The following FSTL5 variants were observed in gnomAD, a reference collection of about 807,000 sequenced individuals.
FSTL5 encodes follistatin like 5.
A neutral mutation model predicts 89.1 loss-of-function variants in FSTL5; 62 were observed. That is an observed-to-expected ratio of 0.70 (90% CI 0.57 to 0.86). FSTL5 has a LOEUF of 0.86. Ranked by LOEUF, FSTL5 falls within the 40% of genes least tolerant of loss-of-function variation. FSTL5 has a pLI of 0.00. For synonymous variants in FSTL5, 383 were observed against 346.2 expected, an observed-to-expected ratio of 1.11 and a Z score of -1.18; for missense variants, 1,057 against 1,001.6, an observed-to-expected ratio of 1.06 and a Z score of -0.75.
chr4:161,644,016 A>G (rs1354826765), intron 7 of FSTL5, among the ~76,000 whole-genome samples: 1 of 152,162 alleles, frequency 6.6e-6, no homozygotes, highest in Non-Finnish European at 1.5e-5. Context: ...GGTCCTTTGC[A>G]CAGAGTTTGT....
chr4:162,035,404 G>A (rs62329628), intron 2 of FSTL5: 58,262 of 151,812 alleles, frequency 0.38, 11,428 homozygotes, highest in Middle Eastern at 0.53. Flanking sequence ...AATGAGGTGA[G>A]CATGATCCAA....
At chr4:162,017,314 G>T (rs1483348357) in intron 3 of FSTL5, among the ~76,000 whole-genome samples, 1 of 152,064 alleles carries the variant, frequency 6.6e-6, no homozygotes, top group African/African-American at 2.4e-5. Context: ...TACCTAAGTT[G>T]TTTTTGTTTT....
chr4:161,457,605 G>T (rs1733404825), intron 14 of FSTL5, among the ~76,000 whole-genome samples: 1 of 151,114 alleles, frequency 6.6e-6, no homozygotes, highest in South Asian at 2.1e-4. Flanking sequence ...CAATTCTGAA[G>T]AAAATTGTAT....
intron 8 of FSTL5, among the ~76,000 whole-genome samples, chr4:161,581,218 T>C (rs1463680493): frequency 6.6e-6 from 1 of 152,210 alleles, no homozygotes; most frequent in African/African-American, 2.4e-5. Context: ...TATGCCCTAC[T>C]TAGAGCTTCT....
At chr4:161,891,494 T>A (rs1042941749) in intron 4 of FSTL5, among the ~76,000 whole-genome samples, 1 of 152,158 alleles carries the variant, frequency 6.6e-6, no homozygotes, top group Non-Finnish European at 1.5e-5. Flanking sequence ...CACTAGTTAC[T>A]AGCTGATGTT....
chr4:162,072,962 T>C (rs1729689471), intron 2 of FSTL5, among the ~76,000 whole-genome samples: 3 of 151,748 alleles, frequency 2.0e-5, no homozygotes, highest in Admixed American at 2.0e-4. Flanking sequence ...AAATTGACTA[T>C]TGCCTTTGAC....
chr4:161,736,068 G>C (rs908694881), intron 6 of FSTL5, among the ~76,000 whole-genome samples: 4 of 151,994 alleles, frequency 2.6e-5, no homozygotes, highest in African/African-American at 4.8e-5. Context: ...TTAAAGTAGG[G>C]TTCTCTCAGT....
chr4:162,106,774 C>T (rs1417456991), intron 2 of FSTL5, among the ~76,000 whole-genome samples: 1 of 152,110 alleles, frequency 6.6e-6, no homozygotes, highest in Non-Finnish European at 1.5e-5. Flanking sequence ...CCAACAACTC[C>T]CAAATCTCAA....
chr4:161,937,745 C>T (rs967294838), intron 3 of FSTL5, among the ~76,000 whole-genome samples: 3 of 152,138 alleles, frequency 2.0e-5, no homozygotes, highest in Non-Finnish European at 4.4e-5. Context: ...GGTATTTCTG[C>T]TTTAGCATGC....
At chr4:161,908,009 A>C (rs560918714) in intron 4 of FSTL5, among the ~76,000 whole-genome samples, 2 of 152,210 alleles carry the variant, frequency 1.3e-5, no homozygotes, top group African/African-American at 2.4e-5. Context: ...TGGTACATAT[A>C]TACTGTGGGA....
chr4:161,978,294 G>A (rs767134124), intron 3 of FSTL5, among the ~76,000 whole-genome samples: 4 of 152,044 alleles, frequency 2.6e-5, no homozygotes, highest in Non-Finnish European at 4.4e-5. Flanking sequence ...AGGTATTGAT[G>A]TTTTCTAAAA....
At chr4:161,723,205 A>T (rs1035951395) in intron 6 of FSTL5, among the ~76,000 whole-genome samples, 1 of 152,190 alleles carries the variant, frequency 6.6e-6, no homozygotes, top group Non-Finnish European at 1.5e-5. Flanking sequence ...TTATAAATTG[A>T]TTTGATTAGA....
At position 161,714,912 on chromosome 4, in the gene FSTL5, T is replaced by C. The variant is rs79962859; in HGVS notation, c.727+44499A>G. ...GTAAGCATTTCAGTATCAATCTTAA[T>C]ATACATATTTTCTTTCCAAGTTTGA... On this transcript the variant is annotated intron_variant, in intron 6 of 15. Transcript: ENST00000306100. Among the ~76,000 whole-genome samples, 44 of 152,312 alleles carry C rather than the reference T, an allele frequency of 2.9e-4. 1 individual carries two copies. The East Asian group carries it at 7.9e-3, about 27-fold the overall frequency.
intron 15 of FSTL5, among the ~76,000 whole-genome samples, chr4:161,426,495 AG>A (rs962510743): frequency 5.9e-5 from 9 of 152,366 alleles, no homozygotes; most frequent in Admixed American, 5.9e-4. Context: ...GATAGCAGAT[AG>A]GAAGATGAGT....
At chr4:161,402,184 C>T (rs1731201000) in intron 15 of FSTL5, among the ~76,000 whole-genome samples, 1 of 152,106 alleles carries the variant, frequency 6.6e-6, no homozygotes, top group Non-Finnish European at 1.5e-5. Flanking sequence ...CAAACGCACA[C>T]ACTTCAGATG....
chr4:162,106,442 TTG>T (rs1731228715), intron 2 of FSTL5, among the ~76,000 whole-genome samples: 1 of 152,088 alleles, frequency 6.6e-6, no homozygotes, highest in South Asian at 2.1e-4. Flanking sequence ...AGAAAAAAGG[TTG>T]TAAGCTATGT....
intron 12 of FSTL5, among the ~76,000 whole-genome samples, chr4:161,496,791 T>TAGAGAA (rs1231524664): frequency 1.4e-5 from 2 of 139,038 alleles, no homozygotes; most frequent in Non-Finnish European, 3.0e-5. Context: ...GAGAAAAAGA[T>TAGAGAA]AGAGATAGAG....
At chr4:162,028,658 C>T (rs1737393564) in intron 3 of FSTL5, among the ~76,000 whole-genome samples, 1 of 152,134 alleles carries the variant, frequency 6.6e-6, no homozygotes, top group South Asian at 2.1e-4. Flanking sequence ...TTGTAATAAA[C>T]TCCATTTCAG....
intron 2 of FSTL5, among the ~76,000 whole-genome samples, chr4:162,089,632 CAAAAAAAAA>C (rs755573032): frequency 2.3e-5 from 1 of 42,600 alleles, no homozygotes; most frequent in Non-Finnish European, 5.3e-5. Flanking sequence ...GAATCTGTCT[CAAAAAAAAA>C]AAAAAAAAAG....
Sources: gnomAD v4.1 joint callset for allele counts (sites outside exome capture counted in the v4.1 genomes callset) on GRCh38, gnomAD v4.1.1 for gene constraint, MANE v1.5 for transcripts, NCBI Gene and HGNC (gene_info 2026-07-23, HGNC 2026-07-21) for gene names.